NLRP14: variants seen among roughly 807,000 people sequenced by gnomAD.
NLRP14 encodes the protein NLR family pyrin domain containing 14, also known as NACHT, LRR and PYD domains-containing protein 14.
NLRP14 carries 105 observed loss-of-function variants against 94.7 expected under a neutral mutation model. The ratio of observed to expected loss-of-function variants is 1.11; its 90% CI spans 0.95 to 1.30. The LOEUF is 1.30. Among genes scored for constraint, NLRP14 ranks in the 50% most tolerant of loss-of-function variants. The pLI is 0.00. For synonymous variants in NLRP14, 508 were observed against 459.9 expected (o/e 1.10, Z -1.34); for missense variants, 1,362 against 1,254.1 (o/e 1.09, Z -1.30).
In NLRP14 at chr11:7,062,351, C is replaced by A; in HGVS notation, c.2823C>A (p.Leu941=). 6.2e-7 allele frequency: 1 copy of A among 1,612,782 alleles called. No homozygotes were observed. The highest frequency in any genetic ancestry group is 2.2e-5 in the East Asian group (1 of 44,856). The change falls in exon 10 of 12, where the codon CTC becomes CTA. Residue 941 remains leucine (L), a synonymous_variant. Transcript: ENST00000299481. Reference sequence around the variant, plus strand: ...CTTACAGATTGATGGGCTGTGTTCTCACTAATGCATGTTGTCTGGATCTGG... The same window carrying A: ...CTTACAGATTGATGGGCTGTGTTCTAACTAATGCATGTTGTCTGGATCTGG... ...LQDLELMGCV[L]TNACCLDLAS...
the NLRP14 span, chr11:7,090,396 GA>G: frequency 7.1e-7 from 1 of 1,407,186 alleles, no homozygotes; most frequent in Non-Finnish European, 9.8e-7. Flanking sequence ...GTACAAGGAA[GA>G]GTTGTTTTTA....
Position 7,055,273 on chromosome 11 carries a change from C to A in NLRP14, c.2292-2404C>A, listed in dbSNP as rs900419897. Among the ~76,000 whole-genome samples the A allele has an allele frequency of 3.3e-5, 5 of 152,210 alleles. No individual in the cohort carries two copies. The South Asian group carries it at 1.0e-3, about 32-fold the overall frequency. On this transcript the variant is annotated intron_variant, in intron 6 of 11. Transcript: ENST00000299481. ...TTAGTGGAAATGCTCCTTCTCTTGGCAATATCATTCCTCTGTCACCTGCAG... is the reference window on the plus strand; with the variant it reads ...TTAGTGGAAATGCTCCTTCTCTTGGAAATATCATTCCTCTGTCACCTGCAG...
chr11:7,025,171 A>G (rs1461934243), intron 1 of NLRP14, among the ~76,000 whole-genome samples: 2 of 152,156 alleles, frequency 1.3e-5, no homozygotes, highest in Non-Finnish European at 2.9e-5. Context: ...CTGTGAGGGT[A>G]AAGAGAAAAG....
chr11:7,086,207 T>TAA, the NLRP14 span, among the ~76,000 whole-genome samples: 1 of 152,242 alleles, frequency 6.6e-6, no homozygotes, highest in Non-Finnish European at 1.5e-5. Context: ...CCAACACTTA[T>TAA]TCTTTTTGTG....
chr11:7,080,130 A>C, the NLRP14 span, among the ~76,000 whole-genome samples: 1 of 152,214 alleles, frequency 6.6e-6, no homozygotes, highest in Non-Finnish European at 1.5e-5. Flanking sequence ...AGAATTTCTT[A>C]CGTATTTAAC....
At position 7,020,505 on chromosome 11, in the gene NLRP14, C is replaced by G. The variant is rs1589852432; in HGVS notation, c.-287C>G. On this transcript the variant is annotated 5_prime_UTR_variant, in exon 1 of 12. Coordinates refer to ENST00000299481, the MANE Select transcript of NLRP14 (RefSeq NM_176822.4). ...TTCCTGCGCGGGCGGGAGCTGCGGG[C>G]GCTCGGGGGATAAGGCGAGGACGCA... The G allele has an allele frequency of 6.6e-6, 1 of 152,306 alleles. No individual in the cohort carries two copies. The highest frequency in any genetic ancestry group is 2.4e-5 in the African/African-American group (1 of 41,450). 9.4% of individuals were successfully genotyped at this position (152,306 alleles called of 1,614,324 possible). A position where few individuals can be genotyped will look rare whatever the true frequency, so the allele number is the denominator to read the frequency against.
intron 5 of NLRP14, among the ~76,000 whole-genome samples, chr11:7,047,811 G>C (rs1354305408): frequency 4.3e-5 from 6 of 139,450 alleles, no homozygotes; most frequent in African/African-American, 1.6e-4. Flanking sequence ...CCAGGCTGGA[G>C]TGTAGTGGCA....
chr11:7,089,451 A>G, the NLRP14 span: 1 of 1,491,334 alleles, frequency 6.7e-7, no homozygotes, highest in South Asian at 1.3e-5. Context: ...CCTGCGCGGA[A>G]CCCGCGGGGG....
In NLRP14 at chr11:7,038,591, C is replaced by T. The variant is rs771162592; in HGVS notation, c.5C>T (p.Ala2Val). The T allele has an allele frequency of 1.2e-6, 2 of 1,613,500 alleles. No homozygotes were observed. The highest frequency in any genetic ancestry group is 2.2e-5 in the South Asian group (2 of 91,046). Reference sequence around the variant, plus strand: ...AGGCCTGAATATTTGGACAAGATGGCAGATTCATCATCATCTTCTTTCTTT... The same window carrying T: ...AGGCCTGAATATTTGGACAAGATGGTAGATTCATCATCATCTTCTTTCTTT... M[A>V]DSSSSSFFPD... The change falls in exon 2 of 12, where the codon GCA becomes GTA. Residue 2 changes from alanine to valine, a missense_variant. Coordinates refer to ENST00000299481, the MANE Select transcript of NLRP14 (RefSeq NM_176822.4).
chr11:7,066,838 G>A (rs1178595375), intron 10 of NLRP14, among the ~76,000 whole-genome samples: 1 of 152,172 alleles, frequency 6.6e-6, no homozygotes, highest in Non-Finnish European at 1.5e-5. Flanking sequence ...TTATGTTTAA[G>A]TCTTTAATCC....
At chr11:7,063,275 A>G (rs1169893678) in intron 10 of NLRP14, among the ~76,000 whole-genome samples, 1 of 152,130 alleles carries the variant, frequency 6.6e-6, no homozygotes, top group African/African-American at 2.4e-5. Context: ...CAAACCCACA[A>G]GACTCTTAGG....
At chr11:7,047,600 C>T (rs572790748) in intron 5 of NLRP14, among the ~76,000 whole-genome samples, 54 of 152,070 alleles carry the variant, frequency 3.6e-4, no homozygotes, top group African/African-American at 1.3e-3. Flanking sequence ...GCCACAATGT[C>T]CAGCCTATCC....
chr11:7,070,307 A>C lies in NLRP14; in HGVS notation c.2997A>C (p.Thr999=). 6.2e-7 allele frequency: 1 copy of C among 1,612,298 alleles called. No homozygotes were observed. Among genetic ancestry groups the C allele is most frequent in the Non-Finnish European group, 8.5e-7 (1 of 1,178,578 alleles). Residue 999 remains threonine, a synonymous_variant, in exon 11 of 12, where the codon ACA becomes ACC. Transcript: ENST00000299481. ...QRLGLEYCGL[T]SLCCQDLSSA... is the part of the protein sequence containing the mutation. ...ACAGGTTGGAATACTGTGGTTTGAC[A>C]TCTCTCTGCTGTCAAGATCTCTCCT... is the stretch of plus-strand genomic sequence containing the variant.
At chr11:7,071,661 G>C (rs1852802166), downstream of NLRP14, among the ~76,000 whole-genome samples, 1 of 149,150 alleles carries the variant, frequency 6.7e-6, no homozygotes, top group African/African-American at 2.5e-5. Context: ...ACATGGCTTA[G>C]TTCACAGCCC....
the NLRP14 span, chr11:7,089,144 G>T: frequency 2.5e-6 from 4 of 1,614,028 alleles, no homozygotes; most frequent in Non-Finnish European, 2.5e-6. Flanking sequence ...ATCGCCCGGG[G>T]AAGCTGTTCA....
intron 1 of NLRP14, among the ~76,000 whole-genome samples, chr11:7,024,757 G>C (rs368661957): frequency 4.1e-4 from 58 of 142,074 alleles, no homozygotes; most frequent in African/African-American, 1.5e-3. Flanking sequence ...AAAAATATGT[G>C]AGTAAAATGT....
chr11:7,059,857 A>G, intron 8 of NLRP14, 37 bp from the exon 9 acceptor site: 1 of 1,560,814 alleles, frequency 6.4e-7, no homozygotes, highest in Non-Finnish European at 8.8e-7. Context: ...ACAGTAGAGC[A>G]ATGATTCCAT....
At chr11:7,089,978 C>T in the NLRP14 span, 5 of 1,613,122 alleles carry the variant, frequency 3.1e-6, no homozygotes, top group Middle Eastern at 1.6e-4. Context: ...TTGAGAGCTA[C>T]GGAGAGCTGC....
At chr11:7,035,848 A>C (rs1852153928) in intron 1 of NLRP14, among the ~76,000 whole-genome samples, 1 of 152,198 alleles carries the variant, frequency 6.6e-6, no homozygotes, top group South Asian at 2.1e-4. Flanking sequence ...ATGGCCACAC[A>C]GATTTTGTAT....
Sources: allele counts gnomAD v4.1 joint callset (sites outside exome capture counted in the v4.1 genomes callset), GRCh38; gene constraint gnomAD v4.1.1; transcripts MANE v1.5; gene names NCBI Gene and HGNC (gene_info 2026-07-23, HGNC 2026-07-21).